Variants in GABRB1 observed in about 807,000 individuals in gnomAD.
GABRB1 encodes gamma-aminobutyric acid receptor subunit beta-1.
A neutral mutation model predicts 51.6 loss-of-function variants in GABRB1; 17 were observed. The ratio of observed to expected loss-of-function variants is 0.33; its 90% CI spans 0.23 to 0.49. The LOEUF is 0.49. Ranked by LOEUF, GABRB1 falls within the 20% of genes least tolerant of loss-of-function variation. The probability of loss-of-function intolerance (pLI) is 0.99; values close to 1 mark genes in which losing one functional copy is unlikely to be tolerated. For missense variants in GABRB1, 410 were observed against 600.6 expected, an observed-to-expected ratio of 0.68 and a Z score of 3.32; for synonymous variants, 247 against 218.9, an observed-to-expected ratio of 1.13 and a Z score of -1.14.
intron 5 of GABRB1, among the ~76,000 whole-genome samples, chr4:47,355,643 T>C (rs1314518032): frequency 6.6e-6 from 1 of 152,238 alleles, no homozygotes; most frequent in Non-Finnish European, 1.5e-5. Context: ...GCTATAACTA[T>C]TACAGTAACA....
intron 4 of GABRB1, among the ~76,000 whole-genome samples, chr4:47,168,992 CA>C (rs1664456100): frequency 6.6e-6 from 1 of 152,024 alleles, no homozygotes; most frequent in Non-Finnish European, 1.5e-5. Flanking sequence ...CAGCCATCAC[CA>C]GTCATATTGG....
intron 5 of GABRB1, among the ~76,000 whole-genome samples, chr4:47,330,575 C>T (rs1347625236): frequency 6.6e-6 from 1 of 152,118 alleles, no homozygotes; most frequent in Non-Finnish European, 1.5e-5. Context: ...TAAGAAGGAA[C>T]TTCCCCTACC....
At chr4:47,028,002 G>A (rs190080997), upstream of GABRB1, among the ~76,000 whole-genome samples, 158 of 151,750 alleles carry the variant, frequency 1.0e-3, 1 homozygote, top group African/African-American at 3.3e-3. Context: ...ATATGAAATT[G>A]TATTTTTCCA....
chr4:47,278,335 G>T (rs1194809714), intron 4 of GABRB1, among the ~76,000 whole-genome samples: 3 of 152,052 alleles, frequency 2.0e-5, no homozygotes, highest in Admixed American at 6.5e-5. Context: ...CAATGGTATT[G>T]ACCAAACACA....
chr4:47,381,775 A>G (rs955989342), intron 5 of GABRB1, among the ~76,000 whole-genome samples: 18 of 152,160 alleles, frequency 1.2e-4, no homozygotes, highest in Non-Finnish European at 4.4e-5. Context: ...CCTGCCCTGA[A>G]GTGCCTTTAA....
intron 3 of GABRB1, among the ~76,000 whole-genome samples, chr4:47,141,251 T>C (rs1366910274): frequency 3.3e-5 from 5 of 151,998 alleles, no homozygotes; most frequent in Non-Finnish European, 2.9e-5. Context: ...TTTCTCATCG[T>C]TGTTCCCGTC....
chr4:47,055,101 T>C (rs1001341062), intron 3 of GABRB1, among the ~76,000 whole-genome samples: 5 of 152,176 alleles, frequency 3.3e-5, no homozygotes, highest in Admixed American at 2.0e-4. Context: ...ATATTCAGTT[T>C]CTAAAACTCA....
At chr4:47,213,435 T>A (rs1011262978) in intron 4 of GABRB1, among the ~76,000 whole-genome samples, 1 of 151,324 alleles carries the variant, frequency 6.6e-6, no homozygotes, top group Non-Finnish European at 1.5e-5. Flanking sequence ...TCTCTCTCTC[T>A]CACTCTCTCT....
At chr4:47,123,883 A>T (rs1414518864) in intron 3 of GABRB1, among the ~76,000 whole-genome samples, 5 of 80,494 alleles carry the variant, frequency 6.2e-5, no homozygotes, top group African/African-American at 2.1e-4. Flanking sequence ...CTTATATATA[A>T]TATATATAAT....
At chr4:47,093,841 A>G (rs1314958324) in intron 3 of GABRB1, among the ~76,000 whole-genome samples, 1 of 152,238 alleles carries the variant, frequency 6.6e-6, no homozygotes, top group East Asian at 1.9e-4. Context: ...GCCATTTATT[A>G]TCCGAAAATT....
At chr4:47,395,863 T>G (rs1728163005) in intron 5 of GABRB1, among the ~76,000 whole-genome samples, 1 of 151,984 alleles carries the variant, frequency 6.6e-6, no homozygotes, top group South Asian at 2.1e-4. Context: ...TTTTCCCAGA[T>G]TTTTCCCTCA....
At chr4:47,094,573 A>C (rs1307687964) in intron 3 of GABRB1, among the ~76,000 whole-genome samples, 1 of 152,104 alleles carries the variant, frequency 6.6e-6, no homozygotes, top group East Asian at 1.9e-4. Flanking sequence ...ACACCTGGAC[A>C]CATAGAGGGG....
chr4:47,013,767 A>G (rs1370208385), intron 1 of GABRB1, among the ~76,000 whole-genome samples: 1 of 152,102 alleles, frequency 6.6e-6, no homozygotes, highest in African/African-American at 2.4e-5. Context: ...CTTTTGCAAA[A>G]ATATTTTATA....
intron 4 of GABRB1, among the ~76,000 whole-genome samples, chr4:47,310,786 T>A (rs1367901595): frequency 6.6e-6 from 1 of 152,098 alleles, no homozygotes; most frequent in Non-Finnish European, 1.5e-5. Flanking sequence ...TGCTTTCTCC[T>A]CCAAAGATGT....
chr4:47,098,151 A>AACAC (rs59294163), intron 3 of GABRB1, among the ~76,000 whole-genome samples: 3,464 of 148,280 alleles, frequency 0.023, 47 homozygotes, highest in Non-Finnish European at 0.027. Flanking sequence ...TTTTAGTACA[A>AACAC]ACACACACAC....
At chr4:47,169,453 C>T (rs1010782258) in intron 4 of GABRB1, among the ~76,000 whole-genome samples, 1 of 151,652 alleles carries the variant, frequency 6.6e-6, no homozygotes, top group Non-Finnish European at 1.5e-5. Flanking sequence ...ATGCCAACCA[C>T]TCTGTACCTT....
chr4:47,385,021 C>G (rs973503915), intron 5 of GABRB1, among the ~76,000 whole-genome samples: 1 of 152,152 alleles, frequency 6.6e-6, no homozygotes, highest in African/African-American at 2.4e-5. Flanking sequence ...TCCTAGTGAA[C>G]GCTGTCATTA....
intron 3 of GABRB1, among the ~76,000 whole-genome samples, chr4:47,132,432 G>T (rs4309807): frequency 1.5e-3 from 85 of 55,144 alleles, no homozygotes; most frequent in African/African-American, 5.5e-3. Context: ...GTTTGGTTTG[G>T]TTTGGTTTGG....
intron 3 of GABRB1, among the ~76,000 whole-genome samples, chr4:47,131,989 T>G: frequency 6.6e-6 from 1 of 152,250 alleles, no homozygotes; most frequent in Non-Finnish European, 1.5e-5. Flanking sequence ...TGTTGACTAC[T>G]GCCTCAGAAA....
Sources: gnomAD v4.1 joint callset for allele counts (sites outside exome capture counted in the v4.1 genomes callset) on GRCh38, gnomAD v4.1.1 for gene constraint, MANE v1.5 for transcripts, NCBI Gene and HGNC (gene_info 2026-07-23, HGNC 2026-07-21) for gene names.